Variants in ATL2 observed in about 807,000 individuals in gnomAD.
ATL2 encodes atlastin GTPase 2.
ATL2 carries 31 observed loss-of-function variants against 73.9 expected under a neutral mutation model. The observed-to-expected ratio is 0.42, with a 90% CI of 0.32 to 0.57. The LOEUF is 0.57. ATL2 is among the 20% of genes least tolerant of loss of function. ATL2 has a pLI of 0.14. For synonymous variants in ATL2, 291 were observed against 237.5 expected, an observed-to-expected ratio of 1.23 and a Z score of -2.07; for missense variants, 738 against 702.6, an observed-to-expected ratio of 1.05 and a Z score of -0.57.
intron 12 of ATL2, among the ~76,000 whole-genome samples, chr2:38,297,107 T>C (rs1262252146): frequency 6.6e-6 from 1 of 152,226 alleles, no homozygotes; most frequent in African/African-American, 2.4e-5. Context: ...CAATCGGATC[T>C]GAATAGAGCA....
At chr2:38,352,492 T>C (rs1459887740) in intron 1 of ATL2, among the ~76,000 whole-genome samples, 1 of 152,120 alleles carries the variant, frequency 6.6e-6, no homozygotes, top group Non-Finnish European at 1.5e-5. Flanking sequence ...TCAAGATTGC[T>C]AGAGCAGTAG....
chr2:38,321,244 T>C (rs1340801708), intron 2 of ATL2, among the ~76,000 whole-genome samples: 1 of 152,178 alleles, frequency 6.6e-6, no homozygotes, highest in Non-Finnish European at 1.5e-5. Flanking sequence ...CTTCAAACCA[T>C]CTTTAATTAT....
At chr2:38,360,160 G>C (rs1392200990) in intron 1 of ATL2, among the ~76,000 whole-genome samples, 1 of 145,144 alleles carries the variant, frequency 6.9e-6, no homozygotes, top group Non-Finnish European at 1.5e-5. Flanking sequence ...GAATACTAAA[G>C]TAAATTTAAA....
In ATL2 at chr2:38,309,359, C is replaced by CT. The variant is rs750250164; in HGVS notation, c.1071+19dup. 6.3e-7 allele frequency: 1 copy of CT among 1,584,916 alleles called. No individual in the cohort carries two copies. Among genetic ancestry groups the CT allele is most frequent in the Admixed American group, 1.9e-5 (1 of 53,930 alleles). ...AACTACATTTCTATCTTAGACAAAA[C>CT]TGTTTAAGAGCTCACCTACCTTAAA... On this transcript the variant is annotated intron_variant, in intron 9 of 12. Transcript: ENST00000378954.
rs372297464 is a variant in ATL2 at position 38,373,252 on chromosome 2, A to G, written c.118+3891T>C. 1.8e-4 allele frequency among the ~76,000 whole-genome samples: 27 copies of G among 152,314 alleles called. 3 individuals are homozygous for G. The highest frequency in any genetic ancestry group is 9.2e-4 in the Admixed American group (14 of 15,294). On this transcript the variant is annotated intron_variant, in intron 1 of 12. Coordinates refer to ENST00000378954, the MANE Select transcript of ATL2 (RefSeq NM_001135673.4). ...CCACAATCAGAGCATCTTTGCAATA[A>G]AAGATAAAATGTTACTAGAGAACCT...
At chr2:38,371,690 G>A (rs1214209861) in intron 1 of ATL2, among the ~76,000 whole-genome samples, 1 of 152,084 alleles carries the variant, frequency 6.6e-6, no homozygotes, top group Non-Finnish European at 1.5e-5. Flanking sequence ...CTGAGGTCAG[G>A]AGTTCGAGAC....
At chr2:38,318,780 TGTTA>T in intron 3 of ATL2, 101 bp downstream of exon 3, 1 of 1,397,108 alleles carries the variant, frequency 7.2e-7, no homozygotes, top group Non-Finnish European at 9.8e-7. Context: ...ATAATCCGTA[TGTTA>T]AAGTTATCAA....
At chr2:38,326,404 C>CA (rs1349607668) in intron 2 of ATL2, among the ~76,000 whole-genome samples, 1 of 152,024 alleles carries the variant, frequency 6.6e-6, no homozygotes, top group East Asian at 1.9e-4. Context: ...TGGCTTTCAG[C>CA]AAAAAATTAC....
At chr2:38,350,235 T>C (rs1480106726) in intron 1 of ATL2, among the ~76,000 whole-genome samples, 2 of 152,178 alleles carry the variant, frequency 1.3e-5, no homozygotes, top group African/African-American at 4.8e-5. Context: ...CACATTTTTG[T>C]GATTCACAGT....
rs2148391354 is a variant in ATL2, at chr2:38,294,327, T to C, written c.*1667A>G. ...ACTTTGGGAGGCCAAGGCAGGCGGA[T>C]CACAAGGTCAGGCGATTGAGACCAT... is the stretch of plus-strand genomic sequence containing the variant. On this transcript the variant is annotated 3_prime_UTR_variant, in exon 13 of 13. Transcript: ENST00000378954. Among the ~76,000 whole-genome samples the C allele has an allele frequency of 6.6e-6, 1 of 152,332 alleles. No homozygotes were observed. Among genetic ancestry groups the C allele is most frequent in the East Asian group, 1.9e-4 (1 of 5,184 alleles).
At position 38,295,875 on chromosome 2, in the gene ATL2, C is replaced by G; in HGVS notation, c.*119G>C. 2.5e-6 allele frequency: 2 copies of G among 813,874 alleles called. 1 individual carries two copies. Among genetic ancestry groups the G allele is most frequent in the South Asian group, 3.9e-5 (2 of 51,288 alleles). The allele number at this position is 813,874 out of a possible 1,614,324, so 50.4% of individuals were successfully genotyped here. ...CACTCTGTGGCAGCCATCTGTGAAG[C>G]CAGTTACACTAAACTACTTCTACAG... On this transcript the variant is annotated 3_prime_UTR_variant, in exon 13 of 13. Transcript: ENST00000378954.
intron 2 of ATL2, among the ~76,000 whole-genome samples, chr2:38,336,721 C>T (rs184484995): frequency 3.4e-4 from 52 of 152,296 alleles, no homozygotes; most frequent in Admixed American, 1.1e-3. Context: ...TACTTTGAGT[C>T]TCGTTTCTTC....
chr2:38,300,156 G>A (rs982497756), intron 10 of ATL2, 116 bp downstream of exon 10: 1 of 882,334 alleles, frequency 1.1e-6, no homozygotes, highest in African/African-American at 1.7e-5. Context: ...TAAGCAAAAT[G>A]TGTTTGCATG....
chr2:38,332,508 T>C (rs1357807043), intron 2 of ATL2, among the ~76,000 whole-genome samples: 1 of 152,152 alleles, frequency 6.6e-6, no homozygotes, highest in Admixed American at 6.5e-5. Context: ...GCCCCGCCAA[T>C]GGAAACATTT....
intron 2 of ATL2, among the ~76,000 whole-genome samples, chr2:38,340,556 A>G (rs1046961006): frequency 1.4e-4 from 22 of 151,878 alleles, no homozygotes; most frequent in African/African-American, 5.1e-4. Flanking sequence ...TACTTTCATC[A>G]ACTGCATACT....
At chr2:38,347,255 A>C (rs1381968456) in intron 1 of ATL2, among the ~76,000 whole-genome samples, 1 of 152,164 alleles carries the variant, frequency 6.6e-6, no homozygotes, top group Non-Finnish European at 1.5e-5. Context: ...TATAAAGCAC[A>C]TGTCATCTTA....
Position 38,343,432 on chromosome 2 carries a change from G to A in ATL2, c.199C>T (p.His67Tyr), listed in dbSNP as rs780195844. ...KPCPVQIVLA[H>Y]EDDHNFELDE... ...AGTTCAAAGTTATGGTCATCTTCATGAGCAAGAACAATCTGTACTGGACAT... is the reference window on the plus strand; with the variant it reads ...AGTTCAAAGTTATGGTCATCTTCATAAGCAAGAACAATCTGTACTGGACAT... Residue 67 changes from histidine (H) to tyrosine (Y), a missense_variant, in exon 2 of 13, where the codon CAT becomes TAT. By Grantham distance (83) the His-to-Tyr change is moderately conservative. Transcript: ENST00000378954. The A allele has an allele frequency of 2.5e-6, 4 of 1,612,980 alleles. No homozygotes were observed. The highest frequency in any genetic ancestry group is 2.2e-5 in the South Asian group (2 of 91,002).
chr2:38,373,256 A>G (rs1015459379), intron 1 of ATL2, among the ~76,000 whole-genome samples: 5 of 152,226 alleles, frequency 3.3e-5, no homozygotes, highest in South Asian at 2.1e-4. Context: ...GCAATAAAAG[A>G]TAAAATGTTA....
rs186333739 is a variant in ATL2, at chr2:38,299,654, T to A, written c.1129-327A>T. On this transcript the variant is annotated intron_variant, in intron 10 of 12. Coordinates refer to ENST00000378954, the MANE Select transcript of ATL2 (RefSeq NM_001135673.4). ...TCTCCAGGTGTTAGGAATCGAGAAT[T>A]ACCCATATGGTTCTCTCTCTCATAA... 1.9e-4 allele frequency among the ~76,000 whole-genome samples: 29 copies of A among 152,210 alleles called. 1 individual carries two copies. The highest frequency in any genetic ancestry group is 5.9e-4 in the Admixed American group (9 of 15,288).
Sources: gnomAD v4.1 joint callset for allele counts (sites outside exome capture counted in the v4.1 genomes callset) on GRCh38, gnomAD v4.1.1 for gene constraint, MANE v1.5 for transcripts, NCBI Gene and HGNC (gene_info 2026-07-23, HGNC 2026-07-21) for gene names.